LEMD1: variants seen among roughly 807,000 people sequenced by gnomAD.
LEMD1 encodes LEM domain-containing protein 1.
In LEMD1, 18 loss-of-function variants were observed where a neutral mutation model predicts 17.4. The observed-to-expected ratio is 1.04, with a 90% CI of 0.72 to 1.54. LEMD1 has a LOEUF of 1.54. LEMD1 is among the 40% of genes most tolerant of loss of function. The probability of loss-of-function intolerance (pLI) is 0.00; values close to 1 mark genes in which losing one functional copy is unlikely to be tolerated. For synonymous variants in LEMD1, 88 were observed against 77.8 expected (o/e 1.13, Z -0.69); for missense variants, 195 against 210.4 (o/e 0.93, Z 0.45).
intron 1 of LEMD1, among the ~76,000 whole-genome samples, chr1:205,440,452 A>C (rs1298045441): frequency 6.6e-6 from 1 of 152,158 alleles, no homozygotes; most frequent in Admixed American, 6.5e-5. Flanking sequence ...AGAGTCTCAC[A>C]CTTCCGCCCT....
At chr1:205,444,694 T>G (rs1215901719) in intron 1 of LEMD1, among the ~76,000 whole-genome samples, 9 of 152,110 alleles carry the variant, frequency 5.9e-5, no homozygotes, top group Admixed American at 5.9e-4. Context: ...GTGTCTCGAA[T>G]TTTGGCAATG....
chr1:205,420,546 A>G lies in LEMD1; in HGVS notation c.-10T>C. The G allele has an allele frequency of 6.2e-7, 1 of 1,609,998 alleles. No individual in the cohort carries two copies. Among genetic ancestry groups the G allele is most frequent in the Non-Finnish European group, 8.5e-7 (1 of 1,176,294 alleles). On this transcript the variant is annotated 5_prime_UTR_variant, in exon 2 of 6. Coordinates refer to ENST00000367153, the MANE Select transcript of LEMD1 (RefSeq NM_001199050.2). The stretch of plus-strand genomic sequence containing the variant: ...ACTTCACATCCACCATGATGATAGA[A>G]GTTTGGCCTCTTTTCTGATGGTAGA...
intron 4 of LEMD1, among the ~76,000 whole-genome samples, chr1:205,404,012 T>C (rs531176305): frequency 1.8e-3 from 272 of 152,352 alleles, no homozygotes; most frequent in African/African-American, 6.1e-3. Context: ...TTGAGTGGTT[T>C]TGAGTGGGTT....
At chr1:205,413,733 A>C (rs1665564078) in intron 4 of LEMD1, among the ~76,000 whole-genome samples, 1 of 148,178 alleles carries the variant, frequency 6.7e-6, no homozygotes, top group Admixed American at 6.7e-5. Flanking sequence ...GCTCATTGCA[A>C]CCTCTGCCTC....
In LEMD1 at chr1:205,381,548, G is replaced by A. The variant is rs1193702947; in HGVS notation, c.*110C>T. ...GTGAGAGCAGCACAGTGCAAGGGAA[G>A]GCTCCCTGCAAGGGAGGGCTGCAGG... On this transcript the variant is annotated 3_prime_UTR_variant, in exon 6 of 6. Transcript: ENST00000367153. 2 of 1,039,636 alleles carry A rather than the reference G, an allele frequency of 1.9e-6. No individual in the cohort carries two copies. Among genetic ancestry groups the A allele is most frequent in the Non-Finnish European group, 3.0e-6 (2 of 672,454 alleles). 64.4% of individuals were successfully genotyped at this position (1,039,636 alleles called of 1,614,324 possible).
chr1:205,437,187 T>C (rs1013549363), intron 1 of LEMD1: 3 of 152,384 alleles, frequency 2.0e-5, no homozygotes, highest in African/African-American at 7.2e-5. Flanking sequence ...GGTGGTTTGA[T>C]CAGCATGGAG....
rs115330883 is a variant in LEMD1 at position 205,417,099 on chromosome 1, G to A, written c.206-803C>T. Among the ~76,000 whole-genome samples the A allele has an allele frequency of 4.6e-3, 701 of 152,288 alleles. 4 individuals are homozygous for A. The highest frequency in any genetic ancestry group is 0.016 in the African/African-American group (662 of 41,552). Reference sequence around the variant, plus strand: ...CAACTCCTCCACTCTAATGGTACCAGTGGCTATGAGACTTTTCCAATGAGC... The same window carrying A: ...CAACTCCTCCACTCTAATGGTACCAATGGCTATGAGACTTTTCCAATGAGC... On this transcript the variant is annotated intron_variant, in intron 3 of 5. Coordinates refer to ENST00000367153, the MANE Select transcript of LEMD1 (RefSeq NM_001199050.2).
intron 1 of LEMD1, among the ~76,000 whole-genome samples, chr1:205,434,446 AC>A (rs1666173907): frequency 1.3e-5 from 2 of 151,416 alleles, no homozygotes; most frequent in African/African-American, 4.9e-5. Flanking sequence ...TGATCCTCCT[AC>A]CTTGGCCTCA....
At chr1:205,410,129 C>T (rs2102409517) in intron 4 of LEMD1, among the ~76,000 whole-genome samples, 1 of 150,696 alleles carries the variant, frequency 6.6e-6, no homozygotes, top group Non-Finnish European at 1.5e-5. Flanking sequence ...GTCATGTTGC[C>T]CAAACTGGTC....
intron 4 of LEMD1, among the ~76,000 whole-genome samples, chr1:205,395,594 CAAA>C (rs11365761): frequency 9.3e-5 from 12 of 129,216 alleles, no homozygotes; most frequent in Non-Finnish European, 1.0e-4. Context: ...AATTCTGTCT[CAAA>C]AAAAAAAAAA....
intron 4 of LEMD1, among the ~76,000 whole-genome samples, chr1:205,413,587 CTTTTTTTTTTTTT>C (rs781477988): frequency 5.5e-5 from 4 of 72,504 alleles, no homozygotes; most frequent in South Asian, 5.7e-4. Context: ...CCATGCCCAA[CTTTTTTTTTTTTT>C]TTTTTTTTTT....
chr1:205,443,780 C>T (rs1481449807), intron 1 of LEMD1, among the ~76,000 whole-genome samples: 1 of 152,200 alleles, frequency 6.6e-6, no homozygotes, highest in Non-Finnish European at 1.5e-5. Context: ...TGCAGATTGC[C>T]GGGCCAGCCC....
chr1:205,406,473 A>C (rs901061766), intron 4 of LEMD1, among the ~76,000 whole-genome samples: 1 of 152,220 alleles, frequency 6.6e-6, no homozygotes, highest in Non-Finnish European at 1.5e-5. Flanking sequence ...CTGTGCTAGC[A>C]ATCAGCGAGA....
chr1:205,392,060 A>C (rs1195014107), intron 4 of LEMD1, among the ~76,000 whole-genome samples: 1 of 151,934 alleles, frequency 6.6e-6, no homozygotes, highest in African/African-American at 2.4e-5. Context: ...TAAATGAGCC[A>C]AGATCACACC....
In LEMD1 at chr1:205,416,258, T is replaced by G; in HGVS notation, c.244A>C (p.Thr82Pro). 6.5e-7 allele frequency: 1 copy of G among 1,548,766 alleles called. No homozygotes were observed. The highest frequency in any genetic ancestry group is 1.2e-5 in the South Asian group (1 of 83,966). ...IILQGNIILS[T>P]EKSKKLKKWP... ...TTTTTGAGTTTCTTGCTTTTTTCTG[T>G]TGAGAGTATGATATTTCCTTGCAAA... The change falls in exon 4 of 6, where the codon ACA (threonine) becomes CCA (proline). Residue 82 changes from threonine (T) to proline (P), a missense_variant. Coordinates refer to ENST00000367153, the MANE Select transcript of LEMD1 (RefSeq NM_001199050.2).
chr1:205,445,006 C>T (rs1575010510), intron 1 of LEMD1, among the ~76,000 whole-genome samples: 1 of 152,032 alleles, frequency 6.6e-6, no homozygotes, highest in African/African-American at 2.4e-5. Flanking sequence ...CCCTTAGCAC[C>T]GCGTCTCAGT....
upstream of LEMD1, among the ~76,000 whole-genome samples, chr1:205,426,738 G>A (rs1400425796): frequency 1.3e-5 from 2 of 152,122 alleles, no homozygotes; most frequent in Non-Finnish European, 2.9e-5. Context: ...GGGTGTTTAG[G>A]CCCCCAGGTC....
At chr1:205,428,908 T>C (rs1666091244) in intron 1 of LEMD1, among the ~76,000 whole-genome samples, 1 of 152,162 alleles carries the variant, frequency 6.6e-6, no homozygotes, top group Non-Finnish European at 1.5e-5. Flanking sequence ...GATTTCTGGC[T>C]TGAATATCTC....
At chr1:205,382,452 G>A (rs183326292) in intron 5 of LEMD1, among the ~76,000 whole-genome samples, 60 of 151,892 alleles carry the variant, frequency 4.0e-4, no homozygotes, top group African/African-American at 1.3e-3. Flanking sequence ...TTGTAGAGAC[G>A]AGGGCTCACC....
Sources: gnomAD v4.1 joint callset for allele counts (sites outside exome capture counted in the v4.1 genomes callset) on GRCh38, gnomAD v4.1.1 for gene constraint, MANE v1.5 for transcripts, NCBI Gene and HGNC (gene_info 2026-07-23, HGNC 2026-07-21) for gene names.